The following LAMA2 variants were observed in gnomAD, a reference collection of about 807,000 sequenced individuals.
LAMA2 encodes the protein laminin subunit alpha 2.
In LAMA2, 269 loss-of-function variants were observed where a neutral mutation model predicts 364.8. The observed-to-expected ratio is 0.74, with a 90% confidence interval of 0.67 to 0.82. The LOEUF (loss-of-function observed/expected upper bound fraction) is 0.82. Among genes scored for constraint, LAMA2 ranks in the 40% least tolerant of loss-of-function variants. The pLI is 0.00. For missense variants in LAMA2, 3,807 were observed against 3,873.2 expected (o/e 0.98, Z 0.45); for synonymous variants, 1,379 against 1,370.6 (o/e 1.01, Z -0.14).
chr6:129,221,950 C>T (rs1274480507), intron 12 of LAMA2, among the ~76,000 whole-genome samples: 1 of 152,150 alleles, frequency 6.6e-6, no homozygotes, highest in Non-Finnish European at 1.5e-5. Context: ...CTCAGATGAT[C>T]ACAGCATGAT....
At chr6:129,490,555 A>C (rs1339485760) in intron 56 of LAMA2, 2 of 152,222 alleles carry the variant, frequency 1.3e-5, no homozygotes, top group Non-Finnish European at 2.9e-5. Context: ...AGAGGCTTAT[A>C]TCCTTCATTA....
intron 1 of LAMA2, among the ~76,000 whole-genome samples, chr6:128,982,153 A>T (rs1231170292): frequency 6.6e-6 from 1 of 152,206 alleles, no homozygotes; most frequent in Non-Finnish European, 1.5e-5. Context: ...TTCCTAACTC[A>T]TAGAAATAAC....
At chr6:129,385,073 A>G in intron 35 of LAMA2, among the ~76,000 whole-genome samples, 3 of 12,866 alleles carry the variant, frequency 2.3e-4, no homozygotes, top group Non-Finnish European at 3.2e-4. Flanking sequence ...AGGGGAGGGA[A>G]GGAAGAGAGG....
At chr6:128,975,888 A>G (rs988256399) in intron 1 of LAMA2, among the ~76,000 whole-genome samples, 3 of 152,178 alleles carry the variant, frequency 2.0e-5, no homozygotes, top group East Asian at 1.9e-4. Flanking sequence ...ATGAGAATGG[A>G]TTAATACAAG....
intron 1 of LAMA2, among the ~76,000 whole-genome samples, chr6:128,892,568 T>C (rs1246703090): frequency 6.6e-6 from 1 of 152,036 alleles, no homozygotes; most frequent in African/African-American, 2.4e-5. Context: ...CTATGAAGTA[T>C]ATGTTTTCAT....
chr6:128,924,101 T>C (rs1469466439), intron 1 of LAMA2, among the ~76,000 whole-genome samples: 1 of 152,142 alleles, frequency 6.6e-6, no homozygotes, highest in East Asian at 1.9e-4. Flanking sequence ...AGAAGAAATA[T>C]CCTCCTAAAT....
intron 1 of LAMA2, among the ~76,000 whole-genome samples, chr6:128,951,796 A>T (rs1241913846): frequency 3.9e-5 from 6 of 152,172 alleles, no homozygotes; most frequent in Non-Finnish European, 8.8e-5. Context: ...TTTAAAAAAA[A>T]CTTTTCTACC....
chr6:129,113,574 G>A (rs1776287613), intron 4 of LAMA2, among the ~76,000 whole-genome samples: 1 of 152,024 alleles, frequency 6.6e-6, no homozygotes, highest in Admixed American at 6.6e-5. Context: ...AGCAACATGG[G>A]CCATTTAAAT....
At position 129,369,999 on chromosome 6, in the gene LAMA2, G is replaced by A. The variant is rs951929088; in HGVS notation, c.4959+9G>A. On this transcript the variant is annotated intron_variant, in intron 34 of 64. Transcript: ENST00000421865. The stretch of plus-strand genomic sequence containing the variant: ...ACGAGCTGCTGACCAGGGTAAGGTG[G>A]CAAAATTATGAATCTTCTGAAAGCA... The A allele has an allele frequency of 1.2e-6, 2 of 1,607,272 alleles. No individual in the cohort carries two copies. The highest frequency in any genetic ancestry group is 1.7e-6 in the Non-Finnish European group (2 of 1,173,910).
At chr6:129,208,446 C>T (rs1242690272) in intron 12 of LAMA2, among the ~76,000 whole-genome samples, 2 of 149,736 alleles carry the variant, frequency 1.3e-5, no homozygotes, top group Non-Finnish European at 3.0e-5. Flanking sequence ...GAAAGACTCC[C>T]CTCACACATA....
chr6:129,503,897 T>C (rs754186934), intron 60 of LAMA2, among the ~76,000 whole-genome samples: 4 of 152,186 alleles, frequency 2.6e-5, no homozygotes, highest in Non-Finnish European at 5.9e-5. Context: ...ACCCAGAAAC[T>C]GGTACTATTA....
intron 12 of LAMA2, among the ~76,000 whole-genome samples, chr6:129,204,183 AAATC>A (rs1208809342): frequency 2.6e-5 from 4 of 152,354 alleles, no homozygotes; most frequent in African/African-American, 9.6e-5. Context: ...AAACATAAAT[AAATC>A]AGTTAACCAG....
chr6:128,938,916 C>T (rs1402108993), intron 1 of LAMA2, among the ~76,000 whole-genome samples: 1 of 152,094 alleles, frequency 6.6e-6, no homozygotes, highest in African/African-American at 2.4e-5. Context: ...CACTCATTTC[C>T]CTCCTTCTGC....
At chr6:129,486,153 T>C (rs1784573887) in intron 55 of LAMA2, among the ~76,000 whole-genome samples, 1 of 152,182 alleles carries the variant, frequency 6.6e-6, no homozygotes, top group Non-Finnish European at 1.5e-5. Flanking sequence ...AGAGGGATTT[T>C]GTTGACACCC....
intron 1 of LAMA2, among the ~76,000 whole-genome samples, chr6:129,042,013 A>AATAAT (rs1787134484): frequency 6.7e-6 from 1 of 149,928 alleles, no homozygotes; most frequent in African/African-American, 2.5e-5. Context: ...AAAAAAAAAA[A>AATAAT]AATAGTTAAT....
chr6:129,208,501 TAGAG>T (rs968856693), intron 12 of LAMA2, among the ~76,000 whole-genome samples: 5 of 128,984 alleles, frequency 3.9e-5, no homozygotes, highest in South Asian at 2.4e-4. Context: ...AAGAGAGAGA[TAGAG>T]AGAGGCAGAA....
intron 20 of LAMA2, among the ~76,000 whole-genome samples, chr6:129,296,868 A>G (rs1773216536): frequency 6.6e-6 from 1 of 152,170 alleles, no homozygotes; most frequent in Admixed American, 6.5e-5. Context: ...TTTTTAATCC[A>G]TCAGCATTTT....
intron 1 of LAMA2, among the ~76,000 whole-genome samples, chr6:128,961,661 G>A (rs1781530719): frequency 6.6e-6 from 1 of 151,658 alleles, no homozygotes; most frequent in Admixed American, 6.6e-5. Flanking sequence ...TGATTAGATT[G>A]TGCCCACCAG....
At chr6:128,892,306 C>T (rs1776501244) in intron 1 of LAMA2, among the ~76,000 whole-genome samples, 1 of 151,870 alleles carries the variant, frequency 6.6e-6, no homozygotes, top group African/African-American at 2.4e-5. Context: ...AATTAGCTAA[C>T]AGTTATGTTA....
Sources: gnomAD v4.1 joint callset for allele counts (sites outside exome capture counted in the v4.1 genomes callset) on GRCh38, gnomAD v4.1.1 for gene constraint, MANE v1.5 for transcripts, NCBI Gene and HGNC (gene_info 2026-07-23, HGNC 2026-07-21) for gene names.